ADAM22: variants seen among roughly 807,000 people sequenced by gnomAD.
ADAM22 encodes the protein disintegrin and metalloproteinase domain-containing protein 22.
ADAM22 carries 65 observed loss-of-function variants against 144.6 expected under a neutral mutation model. That is an observed-to-expected ratio of 0.45 (90% CI 0.37 to 0.55). ADAM22 has a LOEUF of 0.55. Among genes scored for constraint, ADAM22 ranks in the 20% least tolerant of loss-of-function variants. The pLI, the probability that ADAM22 is intolerant of heterozygous loss-of-function variation, is 0.00. For synonymous variants in ADAM22, 391 were observed against 412.6 expected, an observed-to-expected ratio of 0.95 and a Z score of 0.63; for missense variants, 974 against 1,184.9, an observed-to-expected ratio of 0.82 and a Z score of 2.61.
intron 3 of ADAM22, among the ~76,000 whole-genome samples, chr7:88,022,670 T>C (rs1220327375): frequency 6.6e-6 from 1 of 152,224 alleles, no homozygotes; most frequent in Non-Finnish European, 1.5e-5. Context: ...TGAATTAAAC[T>C]ACTACACTCA....
intron 2 of ADAM22, among the ~76,000 whole-genome samples, chr7:87,946,777 A>C (rs183454197): frequency 6.6e-6 from 1 of 152,222 alleles, no homozygotes; most frequent in African/African-American, 2.4e-5. Context: ...TGCACTATTC[A>C]TAACAGCAAA....
intron 4 of ADAM22, among the ~76,000 whole-genome samples, chr7:88,099,539 AT>A (rs1822355976): frequency 1.3e-5 from 2 of 152,216 alleles, no homozygotes; most frequent in African/African-American, 4.8e-5. Context: ...GCTGTTCCCT[AT>A]GCAAACATCA....
chr7:87,980,940 C>T (rs1853248834), intron 3 of ADAM22, among the ~76,000 whole-genome samples: 1 of 152,074 alleles, frequency 6.6e-6, no homozygotes, highest in Admixed American at 6.6e-5. Context: ...TTGGACCTTT[C>T]CAGAGGTCAG....
At chr7:88,136,070 T>C in intron 14 of ADAM22, 39 bp downstream of exon 14, 1 of 1,578,386 alleles carries the variant, frequency 6.3e-7, no homozygotes, top group Non-Finnish European at 8.7e-7. Context: ...AGTCTTACAT[T>C]CCCTGCTGTG....
At chr7:88,117,970 G>A (rs1207647355) in intron 7 of ADAM22, among the ~76,000 whole-genome samples, 1 of 152,156 alleles carries the variant, frequency 6.6e-6, no homozygotes, top group Non-Finnish European at 1.5e-5. Context: ...TGGGTTTACA[G>A]GCGTGAGCCA....
In ADAM22 at chr7:88,026,748, T is replaced by TC. The variant is rs940463187; in HGVS notation, c.323+48338dup. Among the ~76,000 whole-genome samples, 37 of 152,312 alleles carry TC rather than the reference T, an allele frequency of 2.4e-4. 1 individual carries two copies. The highest frequency in any genetic ancestry group is 2.4e-3 in the Admixed American group (37 of 15,296). ...TTGTCTGATTGCTCTAGCTAGGTCTTCCAGTACTATGTTGAATAATAGTGA... is the reference window on the plus strand; with the variant it reads ...TTGTCTGATTGCTCTAGCTAGGTCTTCCCAGTACTATGTTGAATAATAGTGA... On this transcript the variant is annotated intron_variant, in intron 3 of 31. Transcript: ENST00000413139.
At chr7:88,166,982 C>T (rs1355594724) in intron 24 of ADAM22, among the ~76,000 whole-genome samples, 1 of 152,178 alleles carries the variant, frequency 6.6e-6, no homozygotes, top group African/African-American at 2.4e-5. Flanking sequence ...CTGGCATTTG[C>T]ATCTGTGCAT....
At chr7:88,041,481 G>A (rs1421173802) in intron 3 of ADAM22, among the ~76,000 whole-genome samples, 1 of 151,560 alleles carries the variant, frequency 6.6e-6, no homozygotes, top group East Asian at 1.9e-4. Flanking sequence ...ACCTAAAAAT[G>A]TTTTAATATA....
At chr7:88,067,615 T>G (rs1305933201) in intron 3 of ADAM22, among the ~76,000 whole-genome samples, 1 of 152,166 alleles carries the variant, frequency 6.6e-6, no homozygotes, top group African/African-American at 2.4e-5. Flanking sequence ...TGTCTAGGCA[T>G]TTTTTTAAAA....
At chr7:88,127,914 A>G (rs931318147) in intron 8 of ADAM22, among the ~76,000 whole-genome samples, 14 of 151,992 alleles carry the variant, frequency 9.2e-5, no homozygotes, top group African/African-American at 2.7e-4. Context: ...TGTAACTTTC[A>G]TTGGTCATTA....
At chr7:87,963,477 T>G (rs984868833) in intron 2 of ADAM22, among the ~76,000 whole-genome samples, 1 of 152,208 alleles carries the variant, frequency 6.6e-6, no homozygotes, top group Non-Finnish European at 1.5e-5. Flanking sequence ...AAAGAATGAC[T>G]GTGCCTGGCC....
chr7:88,099,149 T>G (rs1402565747), intron 4 of ADAM22, among the ~76,000 whole-genome samples: 4 of 152,156 alleles, frequency 2.6e-5, no homozygotes, highest in Non-Finnish European at 5.9e-5. Context: ...TCTTAACAGA[T>G]CTCTTAATTT....
At chr7:88,086,199 T>A (rs1818418103) in intron 4 of ADAM22, among the ~76,000 whole-genome samples, 1 of 152,090 alleles carries the variant, frequency 6.6e-6, no homozygotes, top group South Asian at 2.1e-4. Context: ...AATAATAATG[T>A]TTTAAAAATT....
intron 2 of ADAM22, among the ~76,000 whole-genome samples, chr7:87,941,501 C>CT (rs879446381): frequency 9.5e-5 from 14 of 146,748 alleles, no homozygotes; most frequent in East Asian, 4.0e-4. Flanking sequence ...GTAGCACAAA[C>CT]TTTTTTTTTT....
chr7:88,078,666 C>A (rs1815457089), intron 4 of ADAM22, among the ~76,000 whole-genome samples: 2 of 152,186 alleles, frequency 1.3e-5, no homozygotes, highest in Non-Finnish European at 2.9e-5. Context: ...CCTGATGGAG[C>A]TGAAAACCAT....
rs117254081 is a variant in ADAM22, at chr7:87,948,735, A to G, written c.246+13549A>G. ...GTAAAATTTGCCTCATAGGCTTGGCATAAAGTTGTGCATGCTTATGTGTCC... is the reference window on the plus strand; with the variant it reads ...GTAAAATTTGCCTCATAGGCTTGGCGTAAAGTTGTGCATGCTTATGTGTCC... On this transcript the variant is annotated intron_variant, in intron 2 of 31. Coordinates refer to ENST00000413139, the MANE Select transcript of ADAM22 (RefSeq NM_001324418.2). 8.3e-4 allele frequency among the ~76,000 whole-genome samples: 126 copies of G among 152,312 alleles called. 4 individuals are homozygous for G. In the East Asian group the frequency reaches 0.023, roughly 27 times the overall value.
At position 88,113,703 on chromosome 7, in the gene ADAM22, A is replaced by AATAAATAAATAAATATGT. The variant is rs1554478726; in HGVS notation, c.474-878_474-877insAATAAATAAATATGTATA. Among the ~76,000 whole-genome samples, 7 of 48,108 alleles carry AATAAATAAATAAATATGT rather than the reference A, an allele frequency of 1.5e-4. No individual in the cohort carries two copies. The East Asian group carries it at 5.6e-3, about 38-fold the overall frequency. The allele number at this position is 48,108 out of a possible 152,430, so 31.6% of individuals were successfully genotyped here. A position where few individuals can be genotyped will look rare whatever the true frequency, so the allele number is the denominator to read the frequency against. On this transcript the variant is annotated intron_variant, in intron 5 of 31. Coordinates refer to ENST00000413139, the MANE Select transcript of ADAM22 (RefSeq NM_001324418.2). ...TATATATATTATAAATAAATAAATA[A>AATAAATAAATAAATATGT]ATATATATATATATATATATATATA...
intron 4 of ADAM22, among the ~76,000 whole-genome samples, chr7:88,082,486 T>G (rs942438861): frequency 2.0e-5 from 3 of 151,990 alleles, no homozygotes; most frequent in Non-Finnish European, 4.4e-5. Context: ...AATTGACAAG[T>G]GGGATCTAAT....
chr7:88,142,556 T>A (rs1235011413), intron 14 of ADAM22, among the ~76,000 whole-genome samples: 1 of 152,080 alleles, frequency 6.6e-6, no homozygotes, highest in Non-Finnish European at 1.5e-5. Context: ...TAATATTGAT[T>A]GGCCGGGCGT....
Sources: gnomAD v4.1 joint callset for allele counts (sites outside exome capture counted in the v4.1 genomes callset) on GRCh38, gnomAD v4.1.1 for gene constraint, MANE v1.5 for transcripts, NCBI Gene and HGNC (gene_info 2026-07-23, HGNC 2026-07-21) for gene names.